The following OSTF1 variants were observed in gnomAD, a reference collection of about 807,000 sequenced individuals.
OSTF1 encodes the protein osteoclast stimulating factor 1, also known as osteoclast-stimulating factor 1.
In OSTF1, 27 loss-of-function variants were observed where a neutral mutation model predicts 37.2. The ratio of observed to expected loss-of-function variants is 0.73; its 90% CI spans 0.54 to 1.00. OSTF1 has a LOEUF of 1.00. Ranked by LOEUF, OSTF1 falls within the 50% of genes least tolerant of loss-of-function variation. The pLI, the probability that OSTF1 is intolerant of heterozygous loss-of-function variation, is 0.00. For missense variants in OSTF1, 232 were observed against 253.8 expected (o/e 0.91, Z 0.58); for synonymous variants, 82 against 89.2 (o/e 0.92, Z 0.46).
intron 1 of OSTF1, among the ~76,000 whole-genome samples, chr9:75,089,261 A>G (rs899191818): frequency 6.6e-6 from 1 of 150,696 alleles, no homozygotes; most frequent in African/African-American, 2.4e-5. Flanking sequence ...AAGAGCGTTT[A>G]GAAAAAAACC....
chr9:75,123,701 G>C (rs1455724279), intron 2 of OSTF1, among the ~76,000 whole-genome samples: 1 of 152,220 alleles, frequency 6.6e-6, no homozygotes, highest in African/African-American at 2.4e-5. Flanking sequence ...AGCTAGATTA[G>C]GAAAACGTGT....
chr9:75,111,022 A>G (rs1825377703), intron 1 of OSTF1, among the ~76,000 whole-genome samples: 2 of 151,950 alleles, frequency 1.3e-5, no homozygotes, highest in South Asian at 2.1e-4. Flanking sequence ...CCCGGCCCCA[A>G]TCCCTTTTTA....
intron 3 of OSTF1, among the ~76,000 whole-genome samples, chr9:75,129,467 A>G (rs1825730317): frequency 6.6e-6 from 1 of 152,240 alleles, no homozygotes; most frequent in East Asian, 1.9e-4. Context: ...GTGGATCTAG[A>G]CAATGATCAT....
chr9:75,096,180 C>T (rs1354979847), intron 1 of OSTF1, among the ~76,000 whole-genome samples: 1 of 152,206 alleles, frequency 6.6e-6, no homozygotes, highest in East Asian at 1.9e-4. Context: ...GCGTGAGCCA[C>T]CGCGCCTGGA....
intron 1 of OSTF1, among the ~76,000 whole-genome samples, chr9:75,099,918 A>G (rs983422341): frequency 3.9e-5 from 6 of 152,250 alleles, no homozygotes; most frequent in African/African-American, 1.4e-4. Flanking sequence ...TACTTACGGG[A>G]ATAAATTTTG....
At chr9:75,131,143 C>T (rs1405441050) in intron 4 of OSTF1, among the ~76,000 whole-genome samples, 3 of 152,200 alleles carry the variant, frequency 2.0e-5, no homozygotes, top group Non-Finnish European at 2.9e-5. Flanking sequence ...GTTTAGTTGT[C>T]AGCAGAATCA....
At chr9:75,135,286 C>T (rs941648023) in intron 7 of OSTF1, among the ~76,000 whole-genome samples, 5 of 152,136 alleles carry the variant, frequency 3.3e-5, no homozygotes, top group Non-Finnish European at 7.3e-5. Flanking sequence ...TCCAGGGTTG[C>T]TTTTGAGAGA....
chr9:75,092,231 G>T (rs1011989339), intron 1 of OSTF1, among the ~76,000 whole-genome samples: 2 of 152,246 alleles, frequency 1.3e-5, no homozygotes, highest in African/African-American at 2.4e-5. Flanking sequence ...GTGGAAGGAG[G>T]CTGCCCAGGG....
intron 2 of OSTF1, among the ~76,000 whole-genome samples, chr9:75,126,591 G>T (rs1825665637): frequency 6.6e-6 from 1 of 151,956 alleles, no homozygotes; most frequent in African/African-American, 2.4e-5. Context: ...TTGTTTGTTT[G>T]TTTGTTTTGT....
At position 75,135,490 on chromosome 9, in the gene OSTF1, C is replaced by T. The variant is rs1465761681; in HGVS notation, c.408+1095C>T. Among the ~76,000 whole-genome samples, 3 of 152,138 alleles carry T rather than the reference C, an allele frequency of 2.0e-5. No individual in the cohort carries two copies. The East Asian group carries it at 5.8e-4, about 29-fold the overall frequency. On this transcript the variant is annotated intron_variant, in intron 7 of 9. Transcript: ENST00000346234. The stretch of plus-strand genomic sequence containing the variant: ...CTTTTAGAATTTTTATCTGACCCTT[C>T]TTTGTTCTTTTGGTTCTGGAATGCC...
intron 1 of OSTF1, among the ~76,000 whole-genome samples, chr9:75,090,146 T>G (rs1320828890): frequency 6.6e-6 from 1 of 152,208 alleles, no homozygotes; most frequent in Non-Finnish European, 1.5e-5. Flanking sequence ...AGTGCAGAGT[T>G]GTTCTTTGAT....
intron 9 of OSTF1, among the ~76,000 whole-genome samples, chr9:75,143,814 A>G (rs2118644143): frequency 6.6e-6 from 1 of 152,314 alleles, no homozygotes; most frequent in Non-Finnish European, 1.5e-5. Flanking sequence ...CTGTGAAGAG[A>G]TACAGGCTCA....
chr9:75,125,214 G>A (rs1223327763), intron 2 of OSTF1, among the ~76,000 whole-genome samples: 1 of 152,186 alleles, frequency 6.6e-6, no homozygotes, highest in African/African-American at 2.4e-5. Context: ...TGGGCGGGAG[G>A]TTGGGGCAGA....
At chr9:75,143,839 A>T (rs1825981346) in intron 9 of OSTF1, among the ~76,000 whole-genome samples, 1 of 152,210 alleles carries the variant, frequency 6.6e-6, no homozygotes, top group Non-Finnish European at 1.5e-5. Flanking sequence ...ACAACACCTG[A>T]CCATGTGGGA....
At chr9:75,116,943 C>G (rs537714326) in intron 1 of OSTF1, among the ~76,000 whole-genome samples, 159 of 152,138 alleles carry the variant, frequency 1.0e-3, no homozygotes, top group African/African-American at 3.8e-3. Context: ...ATACCATTCT[C>G]CCACAGGCTT....
chr9:75,112,341 T>C (rs1825406375), intron 1 of OSTF1, among the ~76,000 whole-genome samples: 1 of 152,192 alleles, frequency 6.6e-6, no homozygotes, highest in East Asian at 1.9e-4. Flanking sequence ...ATAAAAGTCA[T>C]CTGTGTTTCT....
chr9:75,110,544 A>G (rs1476969677), intron 1 of OSTF1, among the ~76,000 whole-genome samples: 2 of 152,184 alleles, frequency 1.3e-5, no homozygotes, highest in African/African-American at 2.4e-5. Context: ...TATCATAGCC[A>G]TTGTAAGTGA....
chr9:75,113,239 G>A (rs11144236), intron 1 of OSTF1, among the ~76,000 whole-genome samples: 3 of 151,906 alleles, frequency 2.0e-5, no homozygotes, highest in East Asian at 3.9e-4. Flanking sequence ...GATTATAAAG[G>A]TAATACACAC....
intron 1 of OSTF1, among the ~76,000 whole-genome samples, chr9:75,091,483 C>T (rs1344013729): frequency 6.6e-6 from 1 of 152,168 alleles, no homozygotes; most frequent in Non-Finnish European, 1.5e-5. Context: ...GGCCTCTGGT[C>T]TACAGACTTT....
Sources: gnomAD v4.1 joint callset for allele counts (sites outside exome capture counted in the v4.1 genomes callset) on GRCh38, gnomAD v4.1.1 for gene constraint, MANE v1.5 for transcripts, NCBI Gene and HGNC (gene_info 2026-07-23, HGNC 2026-07-21) for gene names.